Variants in STXBP6 observed in about 807,000 individuals in gnomAD.
The protein encoded by STXBP6 is syntaxin-binding protein 6.
STXBP6 carries 21 observed loss-of-function variants against 26.9 expected under a neutral mutation model. That is an observed-to-expected ratio of 0.78 (90% CI 0.55 to 1.12). STXBP6 has a LOEUF of 1.12. Among genes scored for constraint, STXBP6 ranks in the 50% most tolerant of loss-of-function variants. The pLI is 0.00. For missense variants in STXBP6, 232 were observed against 257.9 expected, an observed-to-expected ratio of 0.90 and a Z score of 0.69; for synonymous variants, 97 against 92.6, an observed-to-expected ratio of 1.05 and a Z score of -0.27.
intron 2 of STXBP6, among the ~76,000 whole-genome samples, chr14:24,967,922 T>C (rs969522094): frequency 1.1e-4 from 16 of 152,134 alleles, no homozygotes; most frequent in South Asian, 2.1e-4. Context: ...CACATGGCCA[T>C]GGGTCAGGGA....
chr14:24,890,154 C>A (rs73591685), intron 2 of STXBP6, among the ~76,000 whole-genome samples: 1 of 152,248 alleles, frequency 6.6e-6, no homozygotes, highest in South Asian at 2.1e-4. Context: ...AGAGCTAGTG[C>A]CCAAACACTG....
intron 1 of STXBP6, among the ~76,000 whole-genome samples, chr14:25,029,330 A>C (rs1352856558): frequency 6.6e-6 from 1 of 152,188 alleles, no homozygotes; most frequent in African/African-American, 2.4e-5. Context: ...ACCAGGCAGC[A>C]GTCATCCACG....
In STXBP6 at chr14:24,885,825, A is replaced by G. The variant is rs2070563085; in HGVS notation, c.155-28668T>C. Among the ~76,000 whole-genome samples, 2 of 152,248 alleles carry G rather than the reference A, an allele frequency of 1.3e-5. 1 individual carries two copies. Among genetic ancestry groups the G allele is most frequent in the South Asian group, 4.1e-4 (2 of 4,832 alleles). On this transcript the variant is annotated intron_variant, in intron 2 of 5. Coordinates refer to ENST00000323944, the MANE Select transcript of STXBP6 (RefSeq NM_001394410.1). ...CTCTATGACATCCACGTGACGTGAT[A>G]CTACCTAGTAACAGAAAATTTACTA...
At chr14:24,914,683 G>A (rs954745621) in intron 2 of STXBP6, among the ~76,000 whole-genome samples, 1 of 152,082 alleles carries the variant, frequency 6.6e-6, no homozygotes, top group Non-Finnish European at 1.5e-5. Flanking sequence ...TAAGCTATCC[G>A]TTGTCATGAA....
chr14:24,868,174 G>C (rs1372744499), intron 2 of STXBP6, among the ~76,000 whole-genome samples: 1 of 152,126 alleles, frequency 6.6e-6, no homozygotes, highest in Non-Finnish European at 1.5e-5. Flanking sequence ...ACTCCAGCTT[G>C]GAAGACAGAG....
intron 4 of STXBP6, among the ~76,000 whole-genome samples, chr14:24,832,851 T>C (rs771417355): frequency 2.0e-5 from 3 of 152,232 alleles, no homozygotes; most frequent in Non-Finnish European, 4.4e-5. Flanking sequence ...CCATTTGTAC[T>C]ATTATTAGAA....
intron 2 of STXBP6, among the ~76,000 whole-genome samples, chr14:24,887,862 T>C (rs539964894): frequency 6.6e-6 from 1 of 152,232 alleles, no homozygotes; most frequent in Non-Finnish European, 1.5e-5. Flanking sequence ...TGCAGCTTGA[T>C]GCAAGTCCTA....
chr14:24,939,895 G>C (rs754556271), intron 2 of STXBP6, among the ~76,000 whole-genome samples: 1 of 152,120 alleles, frequency 6.6e-6, no homozygotes, highest in Admixed American at 6.5e-5. Context: ...TAGCCACATA[G>C]AGCTAGTGGC....
chr14:24,947,200 C>A (rs537415458), intron 2 of STXBP6, among the ~76,000 whole-genome samples: 4 of 144,534 alleles, frequency 2.8e-5, no homozygotes, highest in African/African-American at 5.3e-5. Context: ...TAATAGAGAG[C>A]TCCATATGTG....
chr14:24,850,129 C>T (rs1389500848), intron 4 of STXBP6, among the ~76,000 whole-genome samples: 1 of 151,884 alleles, frequency 6.6e-6, no homozygotes, highest in East Asian at 1.9e-4. Context: ...ATGCCTGGGA[C>T]ACGCACAAGG....
At chr14:24,967,064 A>C (rs2073756838) in intron 2 of STXBP6, among the ~76,000 whole-genome samples, 1 of 151,056 alleles carries the variant, frequency 6.6e-6, no homozygotes, top group Non-Finnish European at 1.5e-5. Flanking sequence ...ACAGTGGATA[A>C]GGGAGTAGGC....
chr14:25,011,181 C>T (rs761806149), intron 1 of STXBP6, among the ~76,000 whole-genome samples: 9 of 151,988 alleles, frequency 5.9e-5, no homozygotes, highest in Admixed American at 2.6e-4. Flanking sequence ...CATTAAGAAC[C>T]CTGCAACCTT....
chr14:24,855,845 G>A lies in STXBP6; in HGVS notation c.451+91C>T, dbSNP rs1012713908. ...GCATATTGATTCTTCTCCTGTTTTT[G>A]TCTTTAATTATGCTGCTGAACTCCT... On this transcript the variant is annotated intron_variant, in intron 4 of 5. Coordinates refer to ENST00000323944, the MANE Select transcript of STXBP6 (RefSeq NM_001394410.1). 4.8e-6 allele frequency: 6 copies of A among 1,254,644 alleles called. No individual in the cohort carries two copies. The South Asian group carries it at 9.5e-5, about 20-fold the overall frequency. The allele number at this position is 1,254,644 out of a possible 1,614,324, so 77.7% of individuals were successfully genotyped here.
intron 2 of STXBP6, among the ~76,000 whole-genome samples, chr14:24,883,073 C>T (rs969918890): frequency 2.0e-5 from 3 of 152,054 alleles, no homozygotes; most frequent in African/African-American, 7.2e-5. Flanking sequence ...TATGCAACAA[C>T]TATAATGCTA....
intron 2 of STXBP6, among the ~76,000 whole-genome samples, chr14:24,931,519 T>G (rs2072408318): frequency 6.6e-6 from 1 of 152,196 alleles, no homozygotes; most frequent in Non-Finnish European, 1.5e-5. Context: ...TATTTCTTTT[T>G]GGGGAAGCAA....
At chr14:24,855,354 C>T (rs921747274) in intron 4 of STXBP6, among the ~76,000 whole-genome samples, 3 of 152,046 alleles carry the variant, frequency 2.0e-5, no homozygotes, top group Non-Finnish European at 1.5e-5. Flanking sequence ...AAAAGAAATG[C>T]CACCTAAGAA....
intron 4 of STXBP6, among the ~76,000 whole-genome samples, chr14:24,849,448 G>T (rs188833856): frequency 9.2e-4 from 140 of 152,226 alleles, no homozygotes; most frequent in African/African-American, 3.0e-3. Context: ...AGGAAAAGAA[G>T]ACTTGTGCTT....
intron 2 of STXBP6, among the ~76,000 whole-genome samples, chr14:24,882,572 T>C (rs1169384330): frequency 6.6e-6 from 1 of 152,014 alleles, no homozygotes; most frequent in Admixed American, 6.5e-5. Context: ...CTCTGCTTCT[T>C]GCCAAGCCTG....
chr14:24,989,326 G>T (rs1270905588), intron 1 of STXBP6, among the ~76,000 whole-genome samples: 4 of 152,172 alleles, frequency 2.6e-5, no homozygotes, highest in Admixed American at 2.6e-4. Context: ...TGGGAAAGTT[G>T]TAAGAATATA....
Sources: gnomAD v4.1 joint callset for allele counts (sites outside exome capture counted in the v4.1 genomes callset) on GRCh38, gnomAD v4.1.1 for gene constraint, MANE v1.5 for transcripts, NCBI Gene and HGNC (gene_info 2026-07-23, HGNC 2026-07-21) for gene names.